The following SCNN1G variants were observed in gnomAD, a reference collection of about 807,000 sequenced individuals.
SCNN1G encodes the protein epithelial sodium channel subunit gamma.
A neutral mutation model predicts 64.6 loss-of-function variants in SCNN1G; 27 were observed. The ratio of observed to expected loss-of-function variants is 0.42; its 90% CI spans 0.31 to 0.58. The LOEUF (loss-of-function observed/expected upper bound fraction) is 0.58, where lower values mean the gene tolerates loss of function less well. SCNN1G is among the 20% of genes least tolerant of loss of function. The probability of loss-of-function intolerance (pLI) is 0.18; values close to 1 mark genes in which losing one functional copy is unlikely to be tolerated. For synonymous variants in SCNN1G, 330 were observed against 314.2 expected (o/e 1.05, Z -0.53); for missense variants, 743 against 823.4 (o/e 0.90, Z 1.19).
chr16:23,194,194 C>G lies in SCNN1G; in HGVS notation c.833C>G (p.Pro278Arg), dbSNP rs774174564. 3.1e-6 allele frequency: 5 copies of G among 1,613,650 alleles called. No individual in the cohort carries two copies. Among genetic ancestry groups the G allele is most frequent in the Middle Eastern group, 3.3e-4 (2 of 6,062 alleles). The change falls in exon 5 of 13, where the codon CCG becomes CGG. Residue 278 changes from proline (P) to arginine (R), a missense_variant. Coordinates refer to ENST00000300061, the MANE Select transcript of SCNN1G (RefSeq NM_001039.4). ...AGGAATTTCACGCTTTTCCACCACCCGATGCATGGGAATTGCTATACTTTC... is the reference window on the plus strand; with the variant it reads ...AGGAATTTCACGCTTTTCCACCACCGGATGCATGGGAATTGCTATACTTTC... ...DARNFTLFHH[P>R]MHGNCYTFNN...
In SCNN1G at chr16:23,212,291, A is replaced by G. The variant is rs72647523; in HGVS notation, c.1294+140A>G. ...GTTGAGAGCCATTAACTAGAGTTTT[A>G]CTTCTGTTGTCAAGCCTGGCTTAAA... On this transcript the variant is annotated intron_variant, in intron 8 of 12. Transcript: ENST00000300061. 7.9e-5 allele frequency: 57 copies of G among 717,530 alleles called. 1 individual carries two copies. Among genetic ancestry groups the G allele is most frequent in the Non-Finnish European group, 1.3e-4 (53 of 394,854 alleles). The allele number at this position is 717,530 out of a possible 1,614,324, so 44.4% of individuals were successfully genotyped here.
At chr16:23,194,019 T>C in intron 4 of SCNN1G, 152 bp from the exon 5 acceptor site, 1 of 688,732 alleles carries the variant, frequency 1.5e-6, no homozygotes, top group Non-Finnish European at 2.7e-6. Flanking sequence ...GGGGCCTTGT[T>C]TGTCATTTGA....
chr16:23,187,138 T>C (rs924348824), intron 2 of SCNN1G, among the ~76,000 whole-genome samples: 3 of 144,490 alleles, frequency 2.1e-5, no homozygotes, highest in African/African-American at 7.8e-5. Flanking sequence ...AGGCAGGGTC[T>C]CACTCTGTCA....
Position 23,215,151 on chromosome 16 carries a change from C to T in SCNN1G, c.1632C>T (p.Val544=), listed in dbSNP as rs1960139476. ...GCCTGTGGATGAGCTGCTCTGTTGT[C>T]TGCGTCATCGAGATCATCGAGGTCT... ...QLGLWMSCSV[V]CVIEIIEVFF... The change falls in exon 13 of 13, where the codon GTC becomes GTT. Residue 544 remains valine (V), a synonymous_variant. Coordinates refer to ENST00000300061, the MANE Select transcript of SCNN1G (RefSeq NM_001039.4). 1 of 1,614,038 alleles carries T rather than the reference C, an allele frequency of 6.2e-7. No homozygotes were observed. Among genetic ancestry groups the T allele is most frequent in the Non-Finnish European group, 8.5e-7 (1 of 1,180,028 alleles).
intron 1 of SCNN1G, among the ~76,000 whole-genome samples, chr16:23,184,314 T>C (rs2141925877): frequency 6.6e-6 from 1 of 152,244 alleles, no homozygotes; most frequent in South Asian, 2.1e-4. Flanking sequence ...AATCACAGCT[T>C]CTGTTGAACA....
intron 6 of SCNN1G, among the ~76,000 whole-genome samples, chr16:23,208,339 C>G (rs1442884413): frequency 6.6e-6 from 1 of 151,826 alleles, no homozygotes; most frequent in African/African-American, 2.4e-5. Context: ...AGAGTGAGAC[C>G]CTCATCTCTA....
At chr16:23,199,252 A>C (rs1383952654) in intron 6 of SCNN1G, among the ~76,000 whole-genome samples, 1 of 152,190 alleles carries the variant, frequency 6.6e-6, no homozygotes, top group East Asian at 1.9e-4. Context: ...AATATTTCTC[A>C]CTTAATGCTA....
intron 6 of SCNN1G, among the ~76,000 whole-genome samples, chr16:23,208,522 T>C (rs1041496960): frequency 2.0e-5 from 3 of 151,976 alleles, no homozygotes; most frequent in Non-Finnish European, 4.4e-5. Context: ...AACAAGGCAA[T>C]GGGTCCTTCA....
chr16:23,190,936 C>T (rs1273766845), intron 3 of SCNN1G, among the ~76,000 whole-genome samples: 15 of 146,210 alleles, frequency 1.0e-4, no homozygotes, highest in African/African-American at 3.0e-4. Context: ...TTCTACCTCC[C>T]GGGTTCAAGT....
At position 23,209,765 on chromosome 16, in the gene SCNN1G, C is replaced by T. The variant is rs1212389734; in HGVS notation, c.1093C>T (p.Leu365=). Residue 365 remains leucine (L), a synonymous_variant, in exon 7 of 13, where the codon CTG becomes TTG. Transcript: ENST00000300061. ...GTGATTGCAGACAGAGTCCTTCAAG[C>T]TGAGTGAGCCCTACAGTCAGTGCAC... ...IGMHLTESFK[L]SEPYSQCTED... 5 of 1,613,552 alleles carry T rather than the reference C, an allele frequency of 3.1e-6. No homozygotes were observed. The Admixed American group carries it at 8.3e-5, about 27-fold the overall frequency.
intron 11 of SCNN1G, 107 bp downstream of exon 11, chr16:23,213,270 T>TC: frequency 8.9e-6 from 7 of 782,186 alleles, no homozygotes; most frequent in Non-Finnish European, 1.5e-5. Context: ...TTTTTTTTTT[T>TC]TTTATGGAGT....
At chr16:23,194,368 C>A (rs367925706) in intron 5 of SCNN1G, 94 bp downstream of exon 5, 11 of 877,874 alleles carry the variant, frequency 1.3e-5, no homozygotes, top group Non-Finnish European at 2.1e-5. Context: ...TCTGGAAAAG[C>A]GGGATCTCTC....
intron 3 of SCNN1G, among the ~76,000 whole-genome samples, chr16:23,190,277 GAAAGAAAGA>G (rs1476268094): frequency 1.3e-5 from 2 of 150,900 alleles, no homozygotes; most frequent in South Asian, 2.1e-4. Flanking sequence ...AAGAAAGAGA[GAAAGAAAGA>G]AAAGAAAGGA....
intron 1 of SCNN1G, among the ~76,000 whole-genome samples, chr16:23,185,862 T>C (rs957976221): frequency 3.9e-5 from 6 of 152,094 alleles, no homozygotes; most frequent in Non-Finnish European, 5.9e-5. Context: ...AAGGCACGGG[T>C]ACCCCTGCCT....
chr16:23,194,257 TG>T lies in SCNN1G; in HGVS notation c.902del (p.Gly301AlafsTer12). On this transcript the variant is annotated frameshift_variant, in exon 5 of 13. Transcript: ENST00000300061. LOFTEE classifies it high-confidence loss of function. Reference protein sequence around the residue: ...RENETILSTSMGGSEYGLQVI... With the variant: ...RENETILSTSXGGSEYGLQVI... ...AATGAGACCATTCTCAGCACCTCCATGGGGGGCAGCGAATATGGTAAGGAAA... is the reference window on the plus strand; with the variant it reads ...AATGAGACCATTCTCAGCACCTCCATGGGGGCAGCGAATATGGTAAGGAAA... 6.2e-7 allele frequency: 1 copy of T among 1,610,318 alleles called. No homozygotes were observed. Among genetic ancestry groups the T allele is most frequent in the Non-Finnish European group, 8.5e-7 (1 of 1,176,624 alleles).
At chr16:23,184,972 G>C (rs1191014927) in intron 1 of SCNN1G, among the ~76,000 whole-genome samples, 1 of 152,162 alleles carries the variant, frequency 6.6e-6, no homozygotes, top group Non-Finnish European at 1.5e-5. Flanking sequence ...GTGGTCATGT[G>C]CACTGTTCAG....
intron 4 of SCNN1G, 78 bp downstream of exon 4, chr16:23,192,620 C>T: frequency 8.3e-7 from 1 of 1,199,468 alleles, no homozygotes; most frequent in East Asian, 2.5e-5. Flanking sequence ...GAACCTACAG[C>T]CTTGATGATA....
intron 6 of SCNN1G, among the ~76,000 whole-genome samples, chr16:23,205,729 G>T (rs1408687205): frequency 6.7e-6 from 1 of 149,742 alleles, no homozygotes; most frequent in Non-Finnish European, 1.5e-5. Context: ...GTCCCTCCCA[G>T]GTCTGCACAG....
At chr16:23,202,584 G>A (rs1003884588) in intron 6 of SCNN1G, among the ~76,000 whole-genome samples, 1 of 152,186 alleles carries the variant, frequency 6.6e-6, no homozygotes, top group Non-Finnish European at 1.5e-5. Flanking sequence ...CATTTTAGTG[G>A]AAGTACAATC....
Sources: gnomAD v4.1 joint callset for allele counts (sites outside exome capture counted in the v4.1 genomes callset) on GRCh38, gnomAD v4.1.1 for gene constraint, MANE v1.5 for transcripts, NCBI Gene and HGNC (gene_info 2026-07-23, HGNC 2026-07-21) for gene names.